RARB: variants seen among roughly 807,000 people sequenced by gnomAD.
RARB encodes HBV-activated protein.
Under a neutral mutation model 51.9 loss-of-function variants are expected in RARB, and 17 were observed. The observed-to-expected ratio is 0.33, with a 90% confidence interval of 0.22 to 0.49. The LOEUF is 0.49. Ranked by LOEUF, RARB falls within the 20% of genes least tolerant of loss-of-function variation. The pLI is 0.99. For synonymous variants in RARB, 215 were observed against 195.4 expected (o/e 1.10, Z -0.84); for missense variants, 369 against 550.8 (o/e 0.67, Z 3.30).
chr3:25,076,594 C>T (rs1197525933), intron 3 of RARB, among the ~76,000 whole-genome samples: 3 of 152,092 alleles, frequency 2.0e-5, no homozygotes, highest in African/African-American at 7.2e-5. Flanking sequence ...CCCAATGTAG[C>T]TCCACTTTTG....
chr3:25,263,181 C>T (rs184502966), intron 5 of RARB, among the ~76,000 whole-genome samples: 2 of 152,272 alleles, frequency 1.3e-5, no homozygotes, highest in African/African-American at 2.4e-5. Context: ...GGTCTGCTTG[C>T]TCTAGCCGAT....
At chr3:24,898,100 C>T (rs1471953603) in intron 2 of RARB, among the ~76,000 whole-genome samples, 1 of 151,972 alleles carries the variant, frequency 6.6e-6, no homozygotes, top group Admixed American at 6.6e-5. Context: ...GATAGAAAGG[C>T]CATGGAGTTA....
At chr3:25,255,393 T>G (rs930261916) in intron 5 of RARB, among the ~76,000 whole-genome samples, 1 of 152,214 alleles carries the variant, frequency 6.6e-6, no homozygotes, top group Non-Finnish European at 1.5e-5. Context: ...CATGAGGCTC[T>G]GTTATTATCT....
chr3:24,859,860 A>G (rs1395081263), intron 2 of RARB, among the ~76,000 whole-genome samples: 1 of 152,228 alleles, frequency 6.6e-6, no homozygotes, highest in Non-Finnish European at 1.5e-5. Context: ...ATGTTCCAAT[A>G]AAACTTTATT....
intron 2 of RARB, among the ~76,000 whole-genome samples, chr3:25,023,497 G>A (rs1458664325): frequency 2.7e-4 from 6 of 22,074 alleles, no homozygotes; most frequent in Non-Finnish European, 4.6e-4. Context: ...ATACACCGAC[G>A]CAGCTGAGTT....
chr3:25,426,760 T>G (rs1378402176), upstream of RARB, among the ~76,000 whole-genome samples: 1 of 152,246 alleles, frequency 6.6e-6, no homozygotes, highest in East Asian at 1.9e-4. Context: ...ATTTGATGTA[T>G]GTTGCATCCT....
rs138872395 is a variant in RARB at position 25,461,323 on chromosome 3, C to T, written c.288C>T (p.Ser96=). ...DKSSGYHYGV[S]ACEGCKGFFR... is the part of the protein sequence containing the mutation. Reference sequence around the variant, plus strand: ...CATCAGGGTACCACTATGGGGTCAGCGCCTGTGAGGGATGTAAGGTGAGTA... The same window carrying T: ...CATCAGGGTACCACTATGGGGTCAGTGCCTGTGAGGGATGTAAGGTGAGTA... The change falls in exon 2 of 8, where the codon AGC becomes AGT. Residue 96 remains serine, a synonymous_variant. Coordinates refer to ENST00000330688, the MANE Select transcript of RARB (RefSeq NM_000965.5). The T allele has an allele frequency of 4.2e-5, 67 of 1,613,758 alleles. No individual in the cohort carries two copies. Among genetic ancestry groups the T allele is most frequent in the Middle Eastern group, 1.6e-4 (1 of 6,080 alleles).
intron 1 of RARB, among the ~76,000 whole-genome samples, chr3:25,450,208 G>A (rs1364074525): frequency 6.6e-6 from 1 of 152,176 alleles, no homozygotes. Context: ...TCTGGAGATG[G>A]TTCTGTTGTT....
At chr3:25,229,374 T>C (rs1351559380) in intron 5 of RARB, among the ~76,000 whole-genome samples, 3 of 152,198 alleles carry the variant, frequency 2.0e-5, no homozygotes, top group East Asian at 1.9e-4. Flanking sequence ...CAAATATTTC[T>C]AAATTGAATT....
intron 2 of RARB, among the ~76,000 whole-genome samples, chr3:25,492,955 G>A (rs1696817836): frequency 6.6e-6 from 1 of 151,600 alleles, no homozygotes; most frequent in African/African-American, 2.4e-5. Flanking sequence ...CCAGCACTGG[G>A]ACCATGTCCT....
At chr3:25,325,242 T>C (rs9837851) in intron 5 of RARB, among the ~76,000 whole-genome samples, 32,800 of 151,902 alleles carry the variant, frequency 0.22, 3,994 homozygotes, top group African/African-American at 0.33. Flanking sequence ...CTGGTGGGAG[T>C]GTCTCTCAGC....
At chr3:25,145,686 T>C (rs1372870195) in intron 4 of RARB, among the ~76,000 whole-genome samples, 1 of 152,044 alleles carries the variant, frequency 6.6e-6, no homozygotes, top group East Asian at 1.9e-4. Flanking sequence ...AAAATTGGAA[T>C]GATATTGCTC....
intron 3 of RARB, among the ~76,000 whole-genome samples, chr3:25,526,546 A>T (rs776638575): frequency 4.6e-5 from 7 of 152,220 alleles, no homozygotes; most frequent in Non-Finnish European, 1.0e-4. Context: ...GAAATGAAAA[A>T]TTAAGTTAAA....
At chr3:24,936,920 A>G (rs996022779) in intron 2 of RARB, among the ~76,000 whole-genome samples, 1 of 152,206 alleles carries the variant, frequency 6.6e-6, no homozygotes, top group Non-Finnish European at 1.5e-5. Flanking sequence ...GTGCTTTGCC[A>G]AAATTCCAAA....
At chr3:25,584,554 G>A (rs1330126056) in intron 5 of RARB, among the ~76,000 whole-genome samples, 1 of 152,132 alleles carries the variant, frequency 6.6e-6, no homozygotes, top group Non-Finnish European at 1.5e-5. Context: ...TAGAGAGAGT[G>A]GAGTTCAAAG....
chr3:25,359,461 A>G (rs140475278), intron 5 of RARB, among the ~76,000 whole-genome samples: 14 of 150,970 alleles, frequency 9.3e-5, no homozygotes, highest in East Asian at 7.8e-4. Flanking sequence ...GGGTTTTTCA[A>G]TTCTCTGTCT....
intron 5 of RARB, among the ~76,000 whole-genome samples, chr3:25,387,502 C>A (rs1045309647): frequency 1.3e-5 from 2 of 152,086 alleles, no homozygotes; most frequent in African/African-American, 4.8e-5. Flanking sequence ...CGCAATCATT[C>A]CTTCTGTTTT....
chr3:25,443,648 A>C (rs1708803278), intron 1 of RARB, among the ~76,000 whole-genome samples: 1 of 151,016 alleles, frequency 6.6e-6, no homozygotes, highest in South Asian at 2.1e-4. Context: ...ATAAAGCTAA[A>C]GGACCGGTTG....
rs373864151 is a variant in RARB, at chr3:25,392,187, T to C, written c.179-69006T>C. ...TTGCTTTTGTTTGCTTTGTCAAAGATCAATTGGCTGTAAGTATTTGTCTTT... is the reference window on the plus strand; with the variant it reads ...TTGCTTTTGTTTGCTTTGTCAAAGACCAATTGGCTGTAAGTATTTGTCTTT... On this transcript the variant is annotated intron_variant, in intron 5 of 11. Coordinates refer to the RARB transcript ENST00000383772. Among the ~76,000 whole-genome samples, 10 of 152,332 alleles carry C rather than the reference T, an allele frequency of 6.6e-5. No homozygotes were observed. In the South Asian group the frequency reaches 1.0e-3, roughly 16 times the overall value.
Sources: allele counts gnomAD v4.1 joint callset (sites outside exome capture counted in the v4.1 genomes callset), GRCh38; gene constraint gnomAD v4.1.1; transcripts MANE v1.5; gene names NCBI Gene and HGNC (gene_info 2026-07-23, HGNC 2026-07-21).